The following EXT1 variants were observed in gnomAD, a reference collection of about 807,000 sequenced individuals.
EXT1 encodes exostosin-1.
A neutral mutation model predicts 82.5 loss-of-function variants in EXT1; 20 were observed. The ratio of observed to expected loss-of-function variants is 0.24; its 90% CI spans 0.17 to 0.35. The LOEUF is 0.35. EXT1 is among the 10% of genes least tolerant of loss of function. The pLI is 1.00. For synonymous variants in EXT1, 348 were observed against 350.8 expected (o/e 0.99, Z 0.09); for missense variants, 757 against 936.5 (o/e 0.81, Z 2.50).
At position 118,066,653 on chromosome 8, in the gene EXT1, G is replaced by A. The variant is rs113591050; in HGVS notation, c.962+43432C>T. Among the ~76,000 whole-genome samples, 66 of 152,218 alleles carry A rather than the reference G, an allele frequency of 4.3e-4. 1 individual carries two copies. The highest frequency in any genetic ancestry group is 2.3e-3 in the South Asian group (11 of 4,820). ...TGGGATTACACATGTGAACCACAGC[G>A]CCAGGCCCAGCTTGCTTTATTGTAA... On this transcript the variant is annotated intron_variant, in intron 1 of 10. Coordinates refer to ENST00000378204, the MANE Select transcript of EXT1 (RefSeq NM_000127.3).
intron 1 of EXT1, among the ~76,000 whole-genome samples, chr8:118,000,277 C>A (rs1472527647): frequency 2.0e-5 from 3 of 152,152 alleles, no homozygotes; most frequent in Admixed American, 6.5e-5. Flanking sequence ...CTAGACAAAA[C>A]CTTTGCAGCA....
intron 1 of EXT1, among the ~76,000 whole-genome samples, chr8:118,026,572 A>C (rs1816206502): frequency 2.0e-5 from 3 of 151,816 alleles, no homozygotes; most frequent in South Asian, 4.1e-4. Flanking sequence ...GGTATGACCT[A>C]CGCTAAGCCT....
intron 1 of EXT1, among the ~76,000 whole-genome samples, chr8:117,955,284 A>G (rs185959028): frequency 5.3e-5 from 8 of 152,302 alleles, no homozygotes; most frequent in Admixed American, 4.6e-4. Context: ...TCACATAGGC[A>G]TGATAGATAA....
intron 1 of EXT1, among the ~76,000 whole-genome samples, chr8:117,942,722 A>C (rs566879769): frequency 1.3e-5 from 2 of 152,328 alleles, no homozygotes; most frequent in South Asian, 4.1e-4. Context: ...CAAAAAACGA[A>C]AGAAAAAGAA....
intron 1 of EXT1, among the ~76,000 whole-genome samples, chr8:118,062,352 A>G (rs1170975652): frequency 6.6e-6 from 1 of 152,196 alleles, no homozygotes; most frequent in East Asian, 1.9e-4. Context: ...AGTGAAGGTG[A>G]TGGGCTTGCA....
intron 8 of EXT1, among the ~76,000 whole-genome samples, chr8:117,810,236 G>A (rs576314646): frequency 5.9e-5 from 9 of 152,226 alleles, no homozygotes; most frequent in African/African-American, 2.2e-4. Flanking sequence ...CATCCTTAAT[G>A]CTGCAGAGAG....
intron 1 of EXT1, among the ~76,000 whole-genome samples, chr8:117,997,055 A>G (rs1815552001): frequency 6.6e-6 from 1 of 152,110 alleles, no homozygotes; most frequent in Admixed American, 6.5e-5. Context: ...CAATACCTTT[A>G]GCAGTAGCAG....
intron 1 of EXT1, among the ~76,000 whole-genome samples, chr8:117,864,108 G>A (rs545246878): frequency 6.6e-6 from 1 of 152,244 alleles, no homozygotes; most frequent in African/African-American, 2.4e-5. Context: ...AGAGAACAAC[G>A]CTGAGAAATA....
chr8:117,948,632 T>G (rs17475980), intron 1 of EXT1, among the ~76,000 whole-genome samples: 3,226 of 152,328 alleles, frequency 0.021, 113 homozygotes, highest in African/African-American at 0.074. Context: ...TTTCACTGAA[T>G]GCATAAAAGG....
intron 1 of EXT1, among the ~76,000 whole-genome samples, chr8:117,965,624 T>C (rs909837933): frequency 2.0e-5 from 3 of 152,222 alleles, no homozygotes; most frequent in Non-Finnish European, 4.4e-5. Flanking sequence ...AATATTTTTC[T>C]TCCTCTTTCA....
intron 1 of EXT1, among the ~76,000 whole-genome samples, chr8:117,992,280 T>C (rs1228943848): frequency 6.6e-6 from 1 of 151,882 alleles, no homozygotes; most frequent in Non-Finnish European, 1.5e-5. Context: ...CTGCCCCAAC[T>C]TCGGAAGCCT....
chr8:117,854,710 G>A (rs1274896128), intron 1 of EXT1, among the ~76,000 whole-genome samples: 3 of 152,040 alleles, frequency 2.0e-5, no homozygotes, highest in South Asian at 2.1e-4. Flanking sequence ...ATACAGTATT[G>A]CGTCCTAAGT....
intron 1 of EXT1, among the ~76,000 whole-genome samples, chr8:117,876,613 TAAC>T (rs1812976798): frequency 6.6e-6 from 1 of 152,106 alleles, no homozygotes; most frequent in African/African-American, 2.4e-5. Context: ...ATAAAATAAA[TAAC>T]AATAATAATG....
rs551227355 is a variant in EXT1, at chr8:117,947,958, T to A, written c.963-110757A>T. Among the ~76,000 whole-genome samples, 191 of 152,310 alleles carry A rather than the reference T, an allele frequency of 1.3e-3. 1 individual carries two copies. Among genetic ancestry groups the A allele is most frequent in the African/African-American group, 4.5e-3 (186 of 41,568 alleles). On this transcript the variant is annotated intron_variant, in intron 1 of 10. Transcript: ENST00000378204. ...TTTAAGGAGGACTTTTCCCAACTGC[T>A]ATCAGAGAACAAATATTTGGAGGTG...
intron 1 of EXT1, among the ~76,000 whole-genome samples, chr8:117,937,582 C>A (rs1185785285): frequency 6.6e-6 from 1 of 152,246 alleles, no homozygotes; most frequent in Non-Finnish European, 1.5e-5. Context: ...AAGCCAGAAG[C>A]CATGACACAA....
chr8:117,974,378 C>A (rs1339720026), intron 1 of EXT1, among the ~76,000 whole-genome samples: 1 of 152,192 alleles, frequency 6.6e-6, no homozygotes, highest in Non-Finnish European at 1.5e-5. Flanking sequence ...GCTGTAGTAT[C>A]TCCTCCATGC....
At chr8:117,861,482 T>C (rs1812683562) in intron 1 of EXT1, among the ~76,000 whole-genome samples, 1 of 141,482 alleles carries the variant, frequency 7.1e-6, no homozygotes, top group Admixed American at 7.9e-5. Flanking sequence ...TCCCTGAAGT[T>C]TTTATCTTTT....
intron 3 of EXT1, among the ~76,000 whole-genome samples, chr8:117,830,825 C>T (rs893054495): frequency 6.6e-6 from 1 of 152,210 alleles, no homozygotes; most frequent in Non-Finnish European, 1.5e-5. Context: ...CCCATCCAAT[C>T]TGAAGCTAGG....
chr8:118,038,462 C>T (rs1429771726), intron 1 of EXT1, among the ~76,000 whole-genome samples: 1 of 152,138 alleles, frequency 6.6e-6, no homozygotes, highest in East Asian at 1.9e-4. Flanking sequence ...AAGCATGGTC[C>T]CCCAGACCTC....
Sources: gnomAD v4.1 joint callset for allele counts (sites outside exome capture counted in the v4.1 genomes callset) on GRCh38, gnomAD v4.1.1 for gene constraint, MANE v1.5 for transcripts, NCBI Gene and HGNC (gene_info 2026-07-23, HGNC 2026-07-21) for gene names.